The following YTHDF1 variants were observed in gnomAD, a reference collection of about 807,000 sequenced individuals.
YTHDF1 encodes the protein YTH N6-methyladenosine RNA binding protein F1, also known as YTH domain-containing family protein 1.
Under a neutral mutation model 49.1 loss-of-function variants are expected in YTHDF1, and 16 were observed. The observed-to-expected ratio is 0.33, with a 90% confidence interval of 0.22 to 0.49. YTHDF1 has a LOEUF of 0.49. Among genes scored for constraint, YTHDF1 ranks in the 20% least tolerant of loss-of-function variants. YTHDF1 has a pLI of 0.99. For missense variants in YTHDF1, 621 were observed against 744.3 expected, an observed-to-expected ratio of 0.83 and a Z score of 1.93; for synonymous variants, 313 against 290.1, an observed-to-expected ratio of 1.08 and a Z score of -0.80.
chr20:63,202,263 G>A, intron 4 of YTHDF1, 24 bp downstream of exon 4: 1 of 1,599,336 alleles, frequency 6.3e-7, no homozygotes, highest in East Asian at 2.2e-5. Flanking sequence ...CTGCATGGCA[G>A]TTGCCTGCAA....
chr20:63,206,008 C>G, intron 3 of YTHDF1, among the ~76,000 whole-genome samples: 1 of 151,820 alleles, frequency 6.6e-6, no homozygotes, highest in East Asian at 1.9e-4. Context: ...CCCTGGCCAA[C>G]AGGCCCAGAC....
chr20:63,200,581 G>A (rs2066512890), intron 4 of YTHDF1, among the ~76,000 whole-genome samples: 1 of 152,118 alleles, frequency 6.6e-6, no homozygotes. Context: ...GGAACACTTG[G>A]ATCTTGCCTG....
intron 3 of YTHDF1, among the ~76,000 whole-genome samples, chr20:63,209,964 A>C (rs901675028): frequency 3.9e-5 from 6 of 152,208 alleles, no homozygotes; most frequent in African/African-American, 1.4e-4. Context: ...ATGCTCTTAA[A>C]AGTATAGCAA....
chr20:63,209,041 A>G (rs2066561206), intron 3 of YTHDF1, among the ~76,000 whole-genome samples: 2 of 152,378 alleles, frequency 1.3e-5, no homozygotes, highest in Admixed American at 6.5e-5. Context: ...CTGTACATCA[A>G]TGATAAGTAT....
chr20:63,204,587 G>A (rs547595543), intron 3 of YTHDF1, among the ~76,000 whole-genome samples: 3 of 152,310 alleles, frequency 2.0e-5, no homozygotes, highest in South Asian at 4.1e-4. Flanking sequence ...TCTGTGCTCC[G>A]GGTGCAGAGC....
chr20:63,215,655 AAC>A, intron 1 of YTHDF1, 54 bp from the exon 2 acceptor site: 1 of 1,570,752 alleles, frequency 6.4e-7, no homozygotes, highest in Non-Finnish European at 8.6e-7. Context: ...GGAAGAGGGA[AAC>A]ACAAAGTTAT....
intron 3 of YTHDF1, among the ~76,000 whole-genome samples, chr20:63,209,655 G>C (rs2066564582): frequency 6.6e-6 from 1 of 152,124 alleles, no homozygotes; most frequent in Non-Finnish European, 1.5e-5. Context: ...AGGAGGTCAA[G>C]GCTGCAATGA....
chr20:63,199,429 G>T (rs1355152929), intron 4 of YTHDF1, among the ~76,000 whole-genome samples: 1 of 151,080 alleles, frequency 6.6e-6, no homozygotes, highest in Non-Finnish European at 1.5e-5. Flanking sequence ...TGAGGCAGGA[G>T]AATTGTGTGA....
chr20:63,210,128 A>G (rs1236177380), intron 3 of YTHDF1, among the ~76,000 whole-genome samples: 1 of 152,092 alleles, frequency 6.6e-6, no homozygotes, highest in East Asian at 1.9e-4. Flanking sequence ...TGCCCTCAAC[A>G]TGGTAGCTCC....
At chr20:63,204,056 A>G (rs2122979678) in intron 3 of YTHDF1, among the ~76,000 whole-genome samples, 1 of 152,338 alleles carries the variant, frequency 6.6e-6, no homozygotes, top group East Asian at 1.9e-4. Context: ...AATTCAGGCT[A>G]AATGACGAAG....
At chr20:63,214,347 A>G (rs2066590930) in intron 2 of YTHDF1, among the ~76,000 whole-genome samples, 1 of 152,174 alleles carries the variant, frequency 6.6e-6, no homozygotes, top group African/African-American at 2.4e-5. Flanking sequence ...AAAACTTAGG[A>G]GGGAAGGGGC....
At position 63,203,394 on chromosome 20, in the gene YTHDF1, G is replaced by A. The variant is rs768420798; in HGVS notation, c.546C>T (p.Ser182=). ...DTLSKAPGMN[S]LEQGMVGLKI... is the part of the protein sequence containing the mutation. ...TCAGGCCAACCATGCCCTGCTCCAG[G>A]CTGTTCATCCCGGGGGCCTTGCTGA... Residue 182 remains serine (S), a synonymous_variant, in exon 4 of 5, where the codon AGC becomes AGT. Transcript: ENST00000370339. This position sits in a 1 kb window ranked among gnomAD's most constrained non-coding sequence, Gnocchi z 4.4. The A allele has an allele frequency of 3.1e-6, 5 of 1,613,064 alleles. No individual in the cohort carries two copies. Among genetic ancestry groups the A allele is most frequent in the Middle Eastern group, 1.6e-4 (1 of 6,080 alleles).
intron 2 of YTHDF1, among the ~76,000 whole-genome samples, chr20:63,214,867 T>G (rs2066593812): frequency 1.3e-5 from 2 of 152,232 alleles, no homozygotes; most frequent in Non-Finnish European, 2.9e-5. Context: ...CCCTCAGCAG[T>G]TCTCAGCGTA....
intron 3 of YTHDF1, among the ~76,000 whole-genome samples, chr20:63,204,519 C>G (rs1482640609): frequency 6.6e-6 from 1 of 152,222 alleles, no homozygotes; most frequent in Admixed American, 6.5e-5. Context: ...GGCCCCTGCA[C>G]AGAGGGCCCT....
intron 3 of YTHDF1, among the ~76,000 whole-genome samples, chr20:63,212,746 A>G (rs1180121969): frequency 3.3e-5 from 5 of 152,230 alleles, no homozygotes; most frequent in Non-Finnish European, 7.3e-5. Context: ...AACCAGGGCA[A>G]CTGTATCCCC....
At chr20:63,202,061 T>C (rs2122975718) in intron 4 of YTHDF1, among the ~76,000 whole-genome samples, 1 of 152,398 alleles carries the variant, frequency 6.6e-6, no homozygotes, top group East Asian at 1.9e-4. Flanking sequence ...AGTCGTTCGG[T>C]GACATCTACC....
chr20:63,215,834 C>G (rs952486760), intron 1 of YTHDF1, 32 bp downstream of exon 1: 10 of 1,452,900 alleles, frequency 6.9e-6, no homozygotes, highest in Non-Finnish European at 9.1e-6. Flanking sequence ...GCCTCGGCCC[C>G]GGCCGCGGCC....
chr20:63,209,837 C>T (rs1488320687), intron 3 of YTHDF1, among the ~76,000 whole-genome samples: 2 of 152,216 alleles, frequency 1.3e-5, no homozygotes, highest in African/African-American at 4.8e-5. Flanking sequence ...TCAGGGGCAA[C>T]AACACACATG....
chr20:63,197,950 C>CTG (rs2066500005), intron 4 of YTHDF1, among the ~76,000 whole-genome samples: 1 of 152,184 alleles, frequency 6.6e-6, no homozygotes, highest in South Asian at 2.1e-4. Context: ...GCCTCCTCAA[C>CTG]TGTGGCTGCT....
Sources: gnomAD v4.1 joint callset for allele counts (sites outside exome capture counted in the v4.1 genomes callset) on GRCh38, gnomAD v4.1.1 for gene constraint, Gnocchi (gnomAD v3.1) non-coding constraint, MANE v1.5 for transcripts, NCBI Gene and HGNC (gene_info 2026-07-23, HGNC 2026-07-21) for gene names.